Variants in STXBP4 observed in about 807,000 individuals in gnomAD.
The protein encoded by STXBP4 is syntaxin-binding protein 4.
STXBP4 carries 55 observed loss-of-function variants against 76.1 expected under a neutral mutation model. That is an observed-to-expected ratio of 0.72 (90% confidence interval 0.58 to 0.91). The LOEUF is 0.91. Among genes scored for constraint, STXBP4 ranks in the 40% least tolerant of loss-of-function variants. STXBP4 has a pLI of 0.00. For missense variants in STXBP4, 618 were observed against 636.9 expected (o/e 0.97, Z 0.32); for synonymous variants, 201 against 220.2 (o/e 0.91, Z 0.77).
In STXBP4 at chr17:55,078,686, G is replaced by C. The variant is rs778331163; in HGVS notation, c.1306G>C (p.Ala436Pro). 67 of 1,553,562 alleles carry C rather than the reference G, an allele frequency of 4.3e-5. No individual in the cohort carries two copies. Among genetic ancestry groups the C allele is most frequent in the Non-Finnish European group, 5.5e-5 (62 of 1,129,348 alleles). The change falls in exon 15 of 18, where the codon GCT becomes CCT. Residue 436 changes from alanine to proline, a missense_variant and splice_region_variant. Physicochemically the swap from Ala to Pro is conservative, Grantham distance 27. Transcript: ENST00000376352. ...CCTTCACCATCTTGTTTGTTGCTAG[G>C]CTATTCAAGAAGTATTTTCTGATAA... is the stretch of plus-strand genomic sequence containing the variant. ...STEKLLHFVE[A>P]IQEVFSDNST...
rs118035421 is a variant in STXBP4 at position 54,984,936 on chromosome 17, C to A, written c.-156-678C>A. Among the ~76,000 whole-genome samples, 486 of 152,200 alleles carry A rather than the reference C, an allele frequency of 3.2e-3. 11 individuals carry two copies. The highest frequency in any genetic ancestry group is 0.025 in the East Asian group (130 of 5,176). ...CAAAAACTTGTTCAAAATTTTCATC[C>A]AATGGCTCTTTTCCCATTTACTCTT... is the stretch of plus-strand genomic sequence containing the variant. On this transcript the variant is annotated intron_variant, in intron 1 of 17. Coordinates refer to ENST00000376352, the MANE Select transcript of STXBP4 (RefSeq NM_178509.6).
intron 17 of STXBP4, among the ~76,000 whole-genome samples, chr17:55,148,985 T>C (rs1223958419): frequency 6.6e-6 from 1 of 152,212 alleles, no homozygotes; most frequent in Non-Finnish European, 1.5e-5. Context: ...GCAATTTCTA[T>C]GCAACTTCAG....
chr17:55,042,314 GTAA>G (rs2078714436), intron 10 of STXBP4, among the ~76,000 whole-genome samples: 3 of 152,128 alleles, frequency 2.0e-5, no homozygotes, highest in Admixed American at 1.3e-4. Context: ...TTCTTCATCT[GTAA>G]AATGGAGACA....
In STXBP4 at chr17:55,169,817, A is replaced by G. The variant is rs543761945; in HGVS notation, c.*9906A>G. ...TGGTTTGTCCCTGGACATTCAAGCA[A>G]TTGAATGTCTAAACAATCCAAGACA... On this transcript the variant is annotated 3_prime_UTR_variant, in exon 18 of 18. Transcript: ENST00000376352. The G allele has an allele frequency of 1.1e-4, 16 of 152,328 alleles. No homozygotes were observed. The highest frequency in any genetic ancestry group is 3.4e-4 in the African/African-American group (14 of 41,576). The allele number at this position is 152,328 out of a possible 1,614,324, so 9.4% of individuals were successfully genotyped here.
intron 1 of STXBP4, among the ~76,000 whole-genome samples, chr17:54,976,613 C>G (rs2077477894): frequency 6.6e-6 from 1 of 152,198 alleles, no homozygotes; most frequent in Admixed American, 6.5e-5. Flanking sequence ...GGAACCCGGC[C>G]AGACGGCAGG....
chr17:55,043,564 T>C lies in STXBP4; in HGVS notation c.945+239T>C, dbSNP rs79550161. 2.1e-3 allele frequency: 3,149 copies of C among 1,480,158 alleles called. 48 individuals carry two copies. In the African/African-American group the frequency reaches 0.038, roughly 18 times the overall value. 91.7% of individuals were successfully genotyped at this position (1,480,158 alleles called of 1,614,324 possible). On this transcript the variant is annotated intron_variant, in intron 11 of 17. Transcript: ENST00000376352. ...TAGTGTGAACAATGGTTTTTGCTCATGTCTTCTGTTGAGGTTTCTTCTTAT... is the reference window on the plus strand; with the variant it reads ...TAGTGTGAACAATGGTTTTTGCTCACGTCTTCTGTTGAGGTTTCTTCTTAT...
the STXBP4 span, among the ~76,000 whole-genome samples, chr17:55,208,778 A>T: frequency 6.6e-6 from 1 of 152,180 alleles, no homozygotes; most frequent in Non-Finnish European, 1.5e-5. Flanking sequence ...AACAAGTTTC[A>T]GTTATAAGTT....
chr17:55,160,553 G>C lies in STXBP4; in HGVS notation c.*642G>C, dbSNP rs568757442. 6.6e-6 allele frequency: 1 copy of C among 152,614 alleles called. No individual in the cohort carries two copies. Among genetic ancestry groups the C allele is most frequent in the South Asian group, 2.1e-4 (1 of 4,796 alleles). The allele number at this position is 152,614 out of a possible 1,614,324, so 9.5% of individuals were successfully genotyped here. Reference sequence around the variant, plus strand: ...CAGTAGGGAAATAGCAGTTCAGAGAGAGGAAGCTCTCTGTCCCAGCACCGA... The same window carrying C: ...CAGTAGGGAAATAGCAGTTCAGAGACAGGAAGCTCTCTGTCCCAGCACCGA... On this transcript the variant is annotated 3_prime_UTR_variant, in exon 18 of 18. Coordinates refer to ENST00000376352, the MANE Select transcript of STXBP4 (RefSeq NM_178509.6).
At chr17:55,181,043 A>G in the STXBP4 span, among the ~76,000 whole-genome samples, 84 of 152,344 alleles carry the variant, frequency 5.5e-4, no homozygotes, top group African/African-American at 1.9e-3. Context: ...GTGGAGACAG[A>G]TGCAGGTTCA....
intron 4 of STXBP4, among the ~76,000 whole-genome samples, chr17:54,992,914 T>C (rs1705260875): frequency 1.3e-5 from 2 of 152,136 alleles, no homozygotes; most frequent in East Asian, 3.9e-4. Flanking sequence ...AGTTTCACCA[T>C]GTTGGCCAGG....
At chr17:55,048,946 A>G (rs1474724455) in intron 12 of STXBP4, among the ~76,000 whole-genome samples, 3 of 151,994 alleles carry the variant, frequency 2.0e-5, no homozygotes, top group Non-Finnish European at 4.4e-5. Flanking sequence ...AGATTACTGT[A>G]CAATATATTC....
chr17:55,201,424 G>A, the STXBP4 span, among the ~76,000 whole-genome samples: 1 of 151,754 alleles, frequency 6.6e-6, no homozygotes, highest in East Asian at 1.9e-4. Flanking sequence ...GGAGGGGAGG[G>A]AAGGAGAGGA....
chr17:55,181,736 A>G, the STXBP4 span, among the ~76,000 whole-genome samples: 1 of 152,212 alleles, frequency 6.6e-6, no homozygotes. Context: ...AGAAGATGGA[A>G]ACCAATAGAG....
At chr17:55,004,975 A>G (rs1413213156) in intron 7 of STXBP4, among the ~76,000 whole-genome samples, 5 of 152,186 alleles carry the variant, frequency 3.3e-5, no homozygotes, top group African/African-American at 1.2e-4. Flanking sequence ...CTGAATTGAC[A>G]AAGTGTGCTG....
chr17:55,047,023 G>T lies in STXBP4; in HGVS notation c.946-66G>T, dbSNP rs2078798916. 11 of 909,254 alleles carry T rather than the reference G, an allele frequency of 1.2e-5. No individual in the cohort carries two copies. In the South Asian group the frequency reaches 1.5e-4, roughly 12 times the overall value. 56.3% of individuals were successfully genotyped at this position (909,254 alleles called of 1,614,324 possible). A position where few individuals can be genotyped will look rare whatever the true frequency, so the allele number is the denominator to read the frequency against. Reference sequence around the variant, plus strand: ...TGGGAATATAGGCCTTGAAACAAGGGACTAAGAAGTCACACTTGTTAATAC... The same window carrying T: ...TGGGAATATAGGCCTTGAAACAAGGTACTAAGAAGTCACACTTGTTAATAC... On this transcript the variant is annotated intron_variant, in intron 11 of 17. Coordinates refer to ENST00000376352, the MANE Select transcript of STXBP4 (RefSeq NM_178509.6).
chr17:54,984,816 C>G (rs947074655), intron 1 of STXBP4, among the ~76,000 whole-genome samples: 2 of 152,118 alleles, frequency 1.3e-5, no homozygotes, highest in African/African-American at 4.8e-5. Context: ...TGTGTGTGCT[C>G]AGACTTAAAA....
chr17:54,971,742 A>G (rs934776205), intron 1 of STXBP4, among the ~76,000 whole-genome samples: 4 of 152,054 alleles, frequency 2.6e-5, no homozygotes, highest in Admixed American at 6.5e-5. Context: ...GTCTTCTTCA[A>G]TCTGGAATAG....
chr17:55,059,863 G>A (rs1312999031), intron 12 of STXBP4, among the ~76,000 whole-genome samples: 1 of 152,104 alleles, frequency 6.6e-6, no homozygotes, highest in African/African-American at 2.4e-5. Context: ...AAGACACCAT[G>A]AGGATAAAGT....
At chr17:55,124,512 G>T (rs1450739219) in intron 16 of STXBP4, among the ~76,000 whole-genome samples, 1 of 152,220 alleles carries the variant, frequency 6.6e-6, no homozygotes, top group Non-Finnish European at 1.5e-5. Context: ...TGCTTCAAGT[G>T]CTACATTTAT....
Sources: allele counts gnomAD v4.1 joint callset (sites outside exome capture counted in the v4.1 genomes callset), GRCh38; gene constraint gnomAD v4.1.1; transcripts MANE v1.5; gene names NCBI Gene and HGNC (gene_info 2026-07-23, HGNC 2026-07-21).